BICRA: variants seen among roughly 807,000 people sequenced by gnomAD.
The protein encoded by BICRA is BRD4 interacting chromatin remodeling complex associated protein.
In BICRA, 31 loss-of-function variants were observed where a neutral mutation model predicts 96.9. The observed-to-expected ratio is 0.32, with a 90% CI of 0.24 to 0.43. BICRA has a LOEUF of 0.43. BICRA is among the 20% of genes least tolerant of loss of function. The probability of loss-of-function intolerance (pLI) is 1.00; values close to 1 mark genes in which losing one functional copy is unlikely to be tolerated. For synonymous variants in BICRA, 1,350 were observed against 1,071.8 expected, an observed-to-expected ratio of 1.26 and a Z score of -5.07; for missense variants, 2,283 against 2,190.3, an observed-to-expected ratio of 1.04 and a Z score of -0.84.
intron 5 of BICRA, chr19:47,678,994 G>A (rs965383893): frequency 2.4e-5 from 6 of 244,976 alleles, no homozygotes; most frequent in African/African-American, 4.6e-5. Flanking sequence ...TCAAACTCCT[G>A]GGCTCCAGTG....
At position 47,703,073 on chromosome 19, in the gene BICRA, C is replaced by G. The variant is rs986461147; in HGVS notation, c.*658C>G. 2 of 152,746 alleles carry G rather than the reference C, an allele frequency of 1.3e-5. No individual in the cohort carries two copies. The highest frequency in any genetic ancestry group is 3.9e-4 in the East Asian group (2 of 5,184). The allele number at this position is 152,746 out of a possible 1,614,324, so 9.5% of individuals were successfully genotyped here. ...CAAGAAACTGGGGTCTTCCTCTCCCCCGAACCTCTCCCCAGCTAGTCTTCC... is the reference window on the plus strand; with the variant it reads ...CAAGAAACTGGGGTCTTCCTCTCCCGCGAACCTCTCCCCAGCTAGTCTTCC... On this transcript the variant is annotated 3_prime_UTR_variant, in exon 15 of 15. Transcript: ENST00000594866.
chr19:47,699,237 C>T lies in BICRA; in HGVS notation c.3493-66C>T. 1 of 967,534 alleles carries T rather than the reference C, an allele frequency of 1.0e-6. No individual in the cohort carries two copies. Among genetic ancestry groups the T allele is most frequent in the Non-Finnish European group, 1.6e-6 (1 of 615,268 alleles). The allele number at this position is 967,534 out of a possible 1,614,324, so 59.9% of individuals were successfully genotyped here. On this transcript the variant is annotated intron_variant, in intron 13 of 14. Transcript: ENST00000594866. The surrounding 1 kb of genome is among the most constrained non-coding windows in gnomAD (Gnocchi z 5.0). ...AGTTTGGACCTTGCACGCATCGTCCCCGTCGCTCGCGCCCCTTCCCCCTTC... is the reference window on the plus strand; with the variant it reads ...AGTTTGGACCTTGCACGCATCGTCCTCGTCGCTCGCGCCCCTTCCCCCTTC...
intron 1 of BICRA, among the ~76,000 whole-genome samples, chr19:47,644,041 CAG>C (rs1972421405): frequency 6.6e-6 from 1 of 152,070 alleles, no homozygotes; most frequent in South Asian, 2.1e-4. Context: ...TTTTTTGAGA[CAG>C]AGTCTTGCTC....
rs777220510 is a variant in BICRA at position 47,701,780 on chromosome 19, C to T, written c.4048C>T (p.Pro1350Ser). 1.3e-6 allele frequency: 2 copies of T among 1,539,990 alleles called. No homozygotes were observed. The highest frequency in any genetic ancestry group is 2.4e-5 in the South Asian group (2 of 83,892). The change falls in exon 15 of 15, where the codon CCA becomes TCA. Residue 1350 changes from proline to serine, a missense_variant. Transcript: ENST00000594866. The surrounding 1 kb of genome is among the most constrained non-coding windows in gnomAD (Gnocchi z 5.4). ...LKVAEPPPRP[P>S]PPPPPTGQMN... is the part of the protein sequence containing the mutation. Reference sequence around the variant, plus strand: ...GGTGGCCGAGCCCCCGCCACGGCCGCCACCACCACCGCCGCCCACGGGCCA... The same window carrying T: ...GGTGGCCGAGCCCCCGCCACGGCCGTCACCACCACCGCCGCCCACGGGCCA...
chr19:47,630,922 T>C (rs992287969), intron 1 of BICRA, among the ~76,000 whole-genome samples: 2 of 151,958 alleles, frequency 1.3e-5, no homozygotes, highest in Non-Finnish European at 2.9e-5. Flanking sequence ...CTTTTATTTT[T>C]TTTCCCCACA....
In BICRA at chr19:47,694,522, G is replaced by T. The variant is rs1246409227; in HGVS notation, c.2691G>T (p.Arg897Ser). 1 of 1,606,660 alleles carries T rather than the reference G, an allele frequency of 6.2e-7. No homozygotes were observed. Among genetic ancestry groups the T allele is most frequent in the South Asian group, 1.1e-5 (1 of 90,644 alleles). Reference sequence around the variant, plus strand: ...CCTCCTCCTCTGAGACGTCCTCCAGGTTGCCAGCCCCTACGCCATCCGACT... The same window carrying T: ...CCTCCTCCTCTGAGACGTCCTCCAGTTTGCCAGCCCCTACGCCATCCGACT... ...AVASSSETSSRLPAPTPSDFQ... is the reference protein window; with the variant it reads ...AVASSSETSSSLPAPTPSDFQ... The change falls in exon 8 of 15, where the codon AGG (arginine) becomes AGT (serine). Residue 897 changes from arginine (R) to serine (S), a missense_variant. Transcript: ENST00000594866.
intron 4 of BICRA, 145 bp downstream of exon 4, chr19:47,673,907 C>G (rs911306590): frequency 2.7e-6 from 2 of 730,820 alleles, no homozygotes; most frequent in African/African-American, 3.4e-5. Context: ...CGGCCATGAG[C>G]AAAACTCATG....
In BICRA at chr19:47,694,572, AG is replaced by A; in HGVS notation, c.2745del (p.His917ThrfsTer30). On this transcript the variant is annotated frameshift_variant, in exon 8 of 15. Coordinates refer to ENST00000594866, the MANE Select transcript of BICRA (RefSeq NM_001394372.1). LOFTEE classifies it high-confidence loss of function. ...TTCCAGCTCCAGTTCCCACCCAGCC[AG>A]GGGCCCCACAAGTCCCCCACTCCCC... is the stretch of plus-strand genomic sequence containing the variant. ...SDFQLQFPPS[Q>X]GPHKSPTPPP... 1.3e-6 allele frequency: 2 copies of A among 1,581,088 alleles called. No individual in the cohort carries two copies. Among genetic ancestry groups the A allele is most frequent in the South Asian group, 1.1e-5 (1 of 90,062 alleles).
intron 1 of BICRA, among the ~76,000 whole-genome samples, chr19:47,620,818 A>G (rs1251398896): frequency 1.3e-5 from 2 of 152,054 alleles, no homozygotes; most frequent in African/African-American, 4.8e-5. Flanking sequence ...ATTTTCATCA[A>G]GCGCTGTCTC....
rs756974822 is a variant in BICRA, at chr19:47,702,714, G to A, written c.*299G>A. 2 of 434,486 alleles carry A rather than the reference G, an allele frequency of 4.6e-6. No homozygotes were observed. Among genetic ancestry groups the A allele is most frequent in the African/African-American group, 4.2e-5 (2 of 47,438 alleles). The allele number at this position is 434,486 out of a possible 1,614,324, so 26.9% of individuals were successfully genotyped here. A position where few individuals can be genotyped will look rare whatever the true frequency, so the allele number is the denominator to read the frequency against. The stretch of plus-strand genomic sequence containing the variant: ...CCTGGCACACTCTGCCCCTCTGTCC[G>A]GGGGACACGCGCATGTGTTTGCCAG... On this transcript the variant is annotated 3_prime_UTR_variant, in exon 15 of 15. Transcript: ENST00000594866.
Position 47,694,292 on chromosome 19 carries a change from C to A in BICRA, c.2461C>A (p.Pro821Thr). Residue 821 changes from proline to threonine, a missense_variant, in exon 8 of 15, where the codon CCT (proline) becomes ACT (threonine). Physicochemically the swap from Pro to Thr is conservative, Grantham distance 38. Coordinates refer to ENST00000594866, the MANE Select transcript of BICRA (RefSeq NM_001394372.1). ...CCCTCCCTCAGAGCCACCCTTGCAC[C>A]CTTGCCCCCCACCCCAGGCCCCCCC... is the stretch of plus-strand genomic sequence containing the variant. ...SRPPSEPPLHPCPPPQAPPTL... is the reference protein window; with the variant it reads ...SRPPSEPPLHTCPPPQAPPTL... The A allele has an allele frequency of 1.1e-6, 1 of 887,912 alleles. No individual in the cohort carries two copies. The allele number at this position is 887,912 out of a possible 1,614,324, so 55.0% of individuals were successfully genotyped here.
At chr19:47,664,631 A>G (rs1483809311) in intron 1 of BICRA, among the ~76,000 whole-genome samples, 4 of 152,158 alleles carry the variant, frequency 2.6e-5, no homozygotes, top group Non-Finnish European at 5.9e-5. Context: ...ACCCGGAAGC[A>G]CTCAGGCAAT....
In BICRA at chr19:47,680,605, G is replaced by A; in HGVS notation, c.1435G>A (p.Ala479Thr). 3.1e-6 allele frequency: 5 copies of A among 1,608,934 alleles called. No homozygotes were observed. The highest frequency in any genetic ancestry group is 2.7e-5 in the African/African-American group (2 of 74,670). ...CCAGTTCCTACTGCCTGGCGCCCCGGCGGTCCAGCTCCCGCAGCAGCTCTC... is the reference window on the plus strand; with the variant it reads ...CCAGTTCCTACTGCCTGGCGCCCCGACGGTCCAGCTCCCGCAGCAGCTCTC... ...QNQFLLPGAP[A>T]VQLPQQLSAL... is the part of the protein sequence containing the mutation. The change falls in exon 6 of 15, where the codon GCG becomes ACG. Residue 479 changes from alanine to threonine, a missense_variant. Physicochemically the swap from Ala to Thr is moderately conservative, Grantham distance 58. Coordinates refer to ENST00000594866, the MANE Select transcript of BICRA (RefSeq NM_001394372.1).
At chr19:47,650,733 C>G (rs1315462599) in intron 1 of BICRA, among the ~76,000 whole-genome samples, 1 of 152,106 alleles carries the variant, frequency 6.6e-6, no homozygotes, top group African/African-American at 2.4e-5. Context: ...TTGGGGTCAT[C>G]TCTTCTCTTA....
chr19:47,634,286 G>A (rs1051059624), intron 1 of BICRA, among the ~76,000 whole-genome samples: 1 of 152,188 alleles, frequency 6.6e-6, no homozygotes, highest in African/African-American at 2.4e-5. Flanking sequence ...GGATGAGGGA[G>A]GAAGGGGGAA....
Position 47,682,138 on chromosome 19 carries a change from G to A in BICRA, c.2269G>A (p.Ala757Thr), listed in dbSNP as rs746041515. The A allele has an allele frequency of 8.8e-6, 13 of 1,476,472 alleles. 1 individual carries two copies. In the South Asian group the frequency reaches 1.5e-4, roughly 17 times the overall value. 91.5% of individuals were successfully genotyped at this position (1,476,472 alleles called of 1,614,324 possible). ...GGCCCCCGACAGCCAGGCTTCCCCG[G>A]CTCCGGCCCCCCAGGTAGAGGGACC... ...PQAPDSQASPAPAPQIPAAAP... is the reference protein window; with the variant it reads ...PQAPDSQASPTPAPQIPAAAP... The change falls in exon 7 of 15, where the codon GCT becomes ACT. Residue 757 changes from alanine to threonine, a missense_variant. Transcript: ENST00000594866.
At position 47,701,934 on chromosome 19, in the gene BICRA, C is replaced by A; in HGVS notation, c.4202C>A (p.Pro1401Gln). ...YRENVGGPGA[P>Q]EGTPAGRARG... is the part of the protein sequence containing the mutation. ...GAGAACGTGGGGGGCCCTGGCGCGC[C>A]GGAGGGGACGCCCGCAGGCAGGGCA... is the stretch of plus-strand genomic sequence containing the variant. The change falls in exon 15 of 15, where the codon CCG (proline) becomes CAG (glutamine). Residue 1401 changes from proline (P) to glutamine (Q), a missense_variant. Pro to Gln is a moderately conservative substitution (Grantham distance 76). Coordinates refer to ENST00000594866, the MANE Select transcript of BICRA (RefSeq NM_001394372.1). The surrounding 1 kb of genome is among the most constrained non-coding windows in gnomAD (Gnocchi z 5.4). 1 of 1,433,980 alleles carries A rather than the reference C, an allele frequency of 7.0e-7. No homozygotes were observed. The highest frequency in any genetic ancestry group is 9.1e-7 in the Non-Finnish European group (1 of 1,103,860). 88.8% of individuals were successfully genotyped at this position (1,433,980 alleles called of 1,614,324 possible).
chr19:47,618,264 A>T (rs185142924), intron 1 of BICRA, among the ~76,000 whole-genome samples: 1 of 152,264 alleles, frequency 6.6e-6, no homozygotes, highest in East Asian at 1.9e-4. Context: ...GTGATGGGCA[A>T]CTGGGTCAGC....
At chr19:47,625,204 T>C (rs944760264) in intron 1 of BICRA, among the ~76,000 whole-genome samples, 11 of 151,846 alleles carry the variant, frequency 7.2e-5, no homozygotes, top group Non-Finnish European at 1.3e-4. Flanking sequence ...TTCACCATGT[T>C]GGCCAGGCTG....
Sources: allele counts gnomAD v4.1 joint callset (sites outside exome capture counted in the v4.1 genomes callset), GRCh38; gene constraint gnomAD v4.1.1; non-coding constraint Gnocchi (gnomAD v3.1); transcripts MANE v1.5; gene names NCBI Gene and HGNC (gene_info 2026-07-23, HGNC 2026-07-21).